TRPM6: variants seen among roughly 807,000 people sequenced by gnomAD.
The protein encoded by TRPM6 is transient receptor potential cation channel subfamily M member 6.
In TRPM6, 111 loss-of-function variants were observed where a neutral mutation model predicts 247.6. The ratio of observed to expected loss-of-function variants is 0.45; its 90% CI spans 0.38 to 0.52. The LOEUF is 0.52. TRPM6 is among the 20% of genes least tolerant of loss of function. The pLI is 0.00. For synonymous variants in TRPM6, 892 were observed against 853.8 expected, an observed-to-expected ratio of 1.04 and a Z score of -0.78; for missense variants, 2,126 against 2,421.5, an observed-to-expected ratio of 0.88 and a Z score of 2.56.
intron 1 of TRPM6, among the ~76,000 whole-genome samples, chr9:74,876,430 C>A (rs1167167311): frequency 5.3e-5 from 8 of 152,196 alleles, no homozygotes; most frequent in Non-Finnish European, 1.0e-4. Flanking sequence ...CTGGACAATG[C>A]AAAACATTTT....
At chr9:74,815,367 T>C (rs1828889841) in intron 11 of TRPM6, among the ~76,000 whole-genome samples, 1 of 152,144 alleles carries the variant, frequency 6.6e-6, no homozygotes, top group African/African-American at 2.4e-5. Context: ...CAAATTTCTG[T>C]AGGAAAAAAT....
At chr9:74,789,115 C>T (rs1017569837) in intron 19 of TRPM6, among the ~76,000 whole-genome samples, 3 of 152,116 alleles carry the variant, frequency 2.0e-5, no homozygotes, top group South Asian at 2.1e-4. Context: ...AGAAAGAAAA[C>T]GTGTGAAGCA....
At chr9:74,739,476 A>G in intron 34 of TRPM6, 27 bp from the exon 35 acceptor site, 2 of 1,600,506 alleles carry the variant, frequency 1.2e-6, no homozygotes, top group Non-Finnish European at 1.7e-6. Flanking sequence ...ACTGATAAAA[A>G]TACTGATTTA....
intron 6 of TRPM6, among the ~76,000 whole-genome samples, chr9:74,830,024 T>C (rs1257315916): frequency 6.6e-6 from 1 of 152,088 alleles, no homozygotes; most frequent in African/African-American, 2.4e-5. Context: ...CCAACTACTC[T>C]GGAGGCTGAC....
intron 14 of TRPM6, among the ~76,000 whole-genome samples, chr9:74,806,158 T>C (rs1259793025): frequency 1.3e-5 from 2 of 152,164 alleles, no homozygotes; most frequent in African/African-American, 2.4e-5. Context: ...TTGCTATTAT[T>C]GAAACTGAGT....
rs142321179 is a variant in TRPM6, at chr9:74,835,609, C to A, written c.545-1487G>T. 2.3e-3 allele frequency among the ~76,000 whole-genome samples: 343 copies of A among 152,066 alleles called. 4 individuals carry two copies. Among genetic ancestry groups the A allele is most frequent in the African/African-American group, 7.8e-3 (325 of 41,488 alleles). ...GTAAGATTTCAGTAAGTGTTGGCTA[C>A]CTTTGTATGTATTTACACTTTAAGT... is the stretch of plus-strand genomic sequence containing the variant. On this transcript the variant is annotated intron_variant, in intron 5 of 38. Transcript: ENST00000360774.
At chr9:74,851,384 A>C (rs969512700) in intron 3 of TRPM6, among the ~76,000 whole-genome samples, 3 of 152,150 alleles carry the variant, frequency 2.0e-5, no homozygotes, top group African/African-American at 2.4e-5. Flanking sequence ...GAATAAAATA[A>C]ATTTAAAAAG....
chr9:74,764,531 G>A (rs909876741), intron 25 of TRPM6, among the ~76,000 whole-genome samples: 3 of 152,172 alleles, frequency 2.0e-5, no homozygotes, highest in African/African-American at 7.2e-5. Flanking sequence ...TAGCAACATC[G>A]GAGAAAGCAC....
intron 1 of TRPM6, among the ~76,000 whole-genome samples, chr9:74,875,462 A>C (rs559938270): frequency 1.6e-4 from 24 of 152,216 alleles, no homozygotes; most frequent in African/African-American, 4.6e-4. Context: ...AGAATTGCTC[A>C]AACCTGGGAA....
chr9:74,842,303 C>A lies in TRPM6; in HGVS notation c.193G>T (p.Asp65Tyr), dbSNP rs772584410. 8.7e-6 allele frequency: 14 copies of A among 1,614,030 alleles called. No individual in the cohort carries two copies. The highest frequency in any genetic ancestry group is 1.2e-5 in the Non-Finnish European group (14 of 1,180,032). Residue 65 changes from aspartate to tyrosine, a missense_variant, in exon 4 of 39, where the codon GAT becomes TAT. Physicochemically the swap from Asp to Tyr is radical, Grantham distance 160. Around this residue, in one of 3 missense-constraint regions of TRPM6, gnomAD observed 1,082 missense variants for 1,307.9 expected, o/e 0.83. Coordinates refer to ENST00000360774, the MANE Select transcript of TRPM6 (RefSeq NM_017662.5). ...GRLIGDHAGIDYSWTISAAKG... is the reference protein window; with the variant it reads ...GRLIGDHAGIYYSWTISAAKG... ...GCAGCTGAGATGGTCCAGGAATAAT[C>A]TATCCCAGCATGGTCTCCAATCAGT...
intron 25 of TRPM6, among the ~76,000 whole-genome samples, chr9:74,767,440 G>A (rs1826865319): frequency 6.6e-6 from 1 of 152,134 alleles, no homozygotes; most frequent in Non-Finnish European, 1.5e-5. Flanking sequence ...CACTTGATTC[G>A]AGAAGGATAT....
At chr9:74,808,323 C>A in intron 13 of TRPM6, 149 bp from the exon 14 acceptor site, 1 of 980,954 alleles carries the variant, frequency 1.0e-6, no homozygotes, top group Non-Finnish European at 1.6e-6. Context: ...AGTGACCAGC[C>A]ATTGATACAA....
At chr9:74,851,768 A>AT (rs371535409) in intron 3 of TRPM6, among the ~76,000 whole-genome samples, 18,976 of 143,580 alleles carry the variant, frequency 0.13, 1,576 homozygotes, top group East Asian at 0.28. Flanking sequence ...AAAAAAATAT[A>AT]TATATATAAT....
intron 2 of TRPM6, among the ~76,000 whole-genome samples, chr9:74,858,389 A>AAAAAAC (rs71824781): frequency 1.4e-4 from 21 of 151,932 alleles, no homozygotes; most frequent in African/African-American, 5.1e-4. Flanking sequence ...CTTCGTCTCA[A>AAAAAAC]AAAAACAAAA....
In TRPM6 at chr9:74,800,167, C is replaced by A. The variant is rs1828266694; in HGVS notation, c.2238+87G>T. On this transcript the variant is annotated intron_variant, in intron 17 of 38. Coordinates refer to ENST00000360774, the MANE Select transcript of TRPM6 (RefSeq NM_017662.5). Reference sequence around the variant, plus strand: ...ATATATTAACTGGTTTTCCTGAAGACACAATTCTGGAACAAAATGTAACTC... The same window carrying A: ...ATATATTAACTGGTTTTCCTGAAGAAACAATTCTGGAACAAAATGTAACTC... 55 of 1,281,768 alleles carry A rather than the reference C, an allele frequency of 4.3e-5. 1 individual carries two copies. In the South Asian group the frequency reaches 6.6e-4, roughly 15 times the overall value. The allele number at this position is 1,281,768 out of a possible 1,614,324, so 79.4% of individuals were successfully genotyped here. A position where few individuals can be genotyped will look rare whatever the true frequency, so the allele number is the denominator to read the frequency against.
chr9:74,756,016 G>A lies in TRPM6; in HGVS notation c.4786-543C>T, dbSNP rs77570203. The stretch of plus-strand genomic sequence containing the variant: ...ATAATAGATAGCCAATAATATGACC[G>A]TCCTATATACTTCCGAGCTGCAGAA... On this transcript the variant is annotated intron_variant, in intron 27 of 38. Transcript: ENST00000360774. Among the ~76,000 whole-genome samples the A allele has an allele frequency of 5.8e-4, 88 of 152,176 alleles. 2 individuals are homozygous for A. The East Asian group carries it at 0.013, about 22-fold the overall frequency.
intron 5 of TRPM6, among the ~76,000 whole-genome samples, chr9:74,836,245 T>C (rs1271893315): frequency 6.6e-6 from 1 of 152,208 alleles, no homozygotes; most frequent in Non-Finnish European, 1.5e-5. Context: ...TGAGATTGGC[T>C]TGATCTGACC....
intron 38 of TRPM6, among the ~76,000 whole-genome samples, chr9:74,725,529 G>A (rs978128431): frequency 2.6e-5 from 4 of 152,210 alleles, no homozygotes; most frequent in African/African-American, 7.2e-5. Flanking sequence ...CAATTCCCAC[G>A]TGTCATGGGG....
At chr9:74,840,284 A>G (rs1829889022) in intron 4 of TRPM6, 47 bp from the exon 5 acceptor site, 2 of 1,406,092 alleles carry the variant, frequency 1.4e-6, no homozygotes, top group African/African-American at 1.4e-5. Flanking sequence ...TAAAAAAGTT[A>G]TGCCAGGCAC....
Sources: gnomAD v4.1 joint callset for allele counts (sites outside exome capture counted in the v4.1 genomes callset) on GRCh38, gnomAD v4.1.1 for gene constraint, gnomAD v4.1.1 regional missense constraint, MANE v1.5 for transcripts, NCBI Gene and HGNC (gene_info 2026-07-23, HGNC 2026-07-21) for gene names.